The following FOXP1 variants were observed in gnomAD, a reference collection of about 807,000 sequenced individuals.
FOXP1 encodes the protein forkhead box protein P1.
FOXP1 carries 15 observed loss-of-function variants against 98.2 expected under a neutral mutation model. The ratio of observed to expected loss-of-function variants is 0.15; its 90% CI spans 0.10 to 0.24. FOXP1 has a LOEUF of 0.24. Among genes scored for constraint, FOXP1 ranks in the 10% least tolerant of loss-of-function variants. The pLI is 1.00. For synonymous variants in FOXP1, 371 were observed against 314.5 expected, an observed-to-expected ratio of 1.18 and a Z score of -1.90; for missense variants, 633 against 848.5, an observed-to-expected ratio of 0.75 and a Z score of 3.15.
chr3:71,013,652 T>TA (rs1388252391), intron 12 of FOXP1, among the ~76,000 whole-genome samples: 1 of 150,304 alleles, frequency 6.7e-6, no homozygotes, highest in Non-Finnish European at 1.5e-5. Flanking sequence ...AGAACTACTT[T>TA]AAAGTTCATA....
intron 3 of FOXP1, among the ~76,000 whole-genome samples, chr3:71,434,479 C>T (rs746885058): frequency 2.6e-5 from 4 of 152,126 alleles, no homozygotes; most frequent in Non-Finnish European, 5.9e-5. Context: ...TGAGGCCTTA[C>T]GTTTTAAAAG....
intron 11 of FOXP1, among the ~76,000 whole-genome samples, chr3:71,031,611 G>A (rs751061120): frequency 2.6e-5 from 4 of 152,090 alleles, no homozygotes; most frequent in Admixed American, 6.5e-5. Context: ...TTTCTGAGGC[G>A]GATAATGATT....
intron 2 of FOXP1, among the ~76,000 whole-genome samples, chr3:71,556,897 A>G (rs1307521863): frequency 3.3e-5 from 5 of 152,224 alleles, no homozygotes; most frequent in African/African-American, 2.4e-5. Flanking sequence ...GTAAACATCC[A>G]ACAGAAAGAG....
At chr3:71,401,913 G>A (rs1276871998) in intron 3 of FOXP1, among the ~76,000 whole-genome samples, 1 of 152,188 alleles carries the variant, frequency 6.6e-6, no homozygotes, top group African/African-American at 2.4e-5. Context: ...CAGTCCAGCT[G>A]GGAAACAGTT....
intron 4 of FOXP1, among the ~76,000 whole-genome samples, chr3:71,325,344 T>A (rs2075629624): frequency 6.6e-6 from 1 of 152,198 alleles, no homozygotes; most frequent in Admixed American, 6.5e-5. Flanking sequence ...TGAGCCACTG[T>A]GCCCAGCCAA....
chr3:70,964,710 C>A (rs969616416), intron 20 of FOXP1, among the ~76,000 whole-genome samples: 5 of 152,180 alleles, frequency 3.3e-5, no homozygotes, highest in African/African-American at 1.2e-4. Context: ...TGCTGTGAAG[C>A]AAATGCTAAG....
chr3:71,199,267 G>T (rs2063505108), intron 5 of FOXP1, among the ~76,000 whole-genome samples: 1 of 151,878 alleles, frequency 6.6e-6, no homozygotes, highest in Non-Finnish European at 1.5e-5. Context: ...ACCAGGCCCA[G>T]CTAATTTTTG....
chr3:71,197,165 C>T (rs557853581), intron 6 of FOXP1, among the ~76,000 whole-genome samples: 2 of 152,302 alleles, frequency 1.3e-5, no homozygotes, highest in East Asian at 3.9e-4. Flanking sequence ...TCCCTATCTT[C>T]TTCCTCCCCA....
At chr3:71,376,260 C>T (rs796553047) in intron 3 of FOXP1, among the ~76,000 whole-genome samples, 5 of 152,006 alleles carry the variant, frequency 3.3e-5, no homozygotes, top group African/African-American at 1.2e-4. Flanking sequence ...AAAGTAAGGC[C>T]CAGAAGCAGC....
rs565175350 is a variant in FOXP1 at position 71,544,607 on chromosome 3, A to G, written c.-298+36942T>C. Among the ~76,000 whole-genome samples, 5 of 152,350 alleles carry G rather than the reference A, an allele frequency of 3.3e-5. No individual in the cohort carries two copies. In the South Asian group the frequency reaches 1.0e-3, roughly 32 times the overall value. On this transcript the variant is annotated intron_variant, in intron 2 of 20. Transcript: ENST00000649528. ...GCTAAACAATCTTTCAAAGCCCAAGACATTTAAAGACCACTCCATTTTATA... is the reference window on the plus strand; with the variant it reads ...GCTAAACAATCTTTCAAAGCCCAAGGCATTTAAAGACCACTCCATTTTATA...
chr3:71,013,562 T>C (rs2043981491), intron 12 of FOXP1, among the ~76,000 whole-genome samples: 2 of 152,114 alleles, frequency 1.3e-5, no homozygotes, highest in Admixed American at 6.5e-5. Context: ...ATCGTGAAAA[T>C]GGCCACATTG....
At chr3:71,356,651 C>T (rs757816775) in intron 4 of FOXP1, among the ~76,000 whole-genome samples, 6 of 152,248 alleles carry the variant, frequency 3.9e-5, no homozygotes, top group African/African-American at 4.8e-5. Context: ...ATAAGGAGGC[C>T]GTGGCACAGA....
rs6795411 is a variant in FOXP1 at position 71,575,256 on chromosome 3, T to G, written c.-298+6293A>C. 8.9e-3 allele frequency among the ~76,000 whole-genome samples: 1,361 copies of G among 152,182 alleles called. 16 individuals carry two copies. The highest frequency in any genetic ancestry group is 0.03 in the African/African-American group (1,245 of 41,510). Reference sequence around the variant, plus strand: ...ACACAGGATGGGCCTCAAGGTAAAATCAAAGAAATCATCAGTAAAATCCAA... The same window carrying G: ...ACACAGGATGGGCCTCAAGGTAAAAGCAAAGAAATCATCAGTAAAATCCAA... On this transcript the variant is annotated intron_variant, in intron 2 of 20. Transcript: ENST00000649528.
chr3:71,037,419 CA>C (rs2047735423), intron 11 of FOXP1, among the ~76,000 whole-genome samples: 1 of 152,076 alleles, frequency 6.6e-6, no homozygotes, highest in Non-Finnish European at 1.5e-5. Context: ...TTTTCTAAAG[CA>C]AGACAATTAG....
In FOXP1 at chr3:71,096,659, T is replaced by C. The variant is rs560310275; in HGVS notation, c.282+15877A>G. ...ATTCAAGACAGAGCTGTATGCATTT[T>C]AGATACTGTAGATCTATATAACCAG... On this transcript the variant is annotated intron_variant, in intron 7 of 20. Transcript: ENST00000649528. Among the ~76,000 whole-genome samples, 3 of 152,352 alleles carry C rather than the reference T, an allele frequency of 2.0e-5. No homozygotes were observed. The South Asian group carries it at 6.2e-4, about 32-fold the overall frequency.
chr3:71,191,485 A>G (rs1044984201), intron 6 of FOXP1, among the ~76,000 whole-genome samples: 2 of 152,212 alleles, frequency 1.3e-5, no homozygotes, highest in African/African-American at 4.8e-5. Context: ...GCTTTCTATT[A>G]CCACATTCTC....
intron 5 of FOXP1, among the ~76,000 whole-genome samples, chr3:71,292,269 C>T (rs1389518544): frequency 6.6e-6 from 1 of 152,136 alleles, no homozygotes; most frequent in African/African-American, 2.4e-5. Flanking sequence ...CCATAGACTG[C>T]AATAATCACA....
At chr3:71,413,292 C>CACACACACACACACACACACA (rs1364185381) in intron 3 of FOXP1, among the ~76,000 whole-genome samples, 2 of 89,188 alleles carry the variant, frequency 2.2e-5, no homozygotes, top group African/African-American at 3.9e-5. Context: ...ACACACACAC[C>CACACACACACACACACACACA]CAAAACAGCC....
chr3:71,101,197 A>G (rs1428358752), intron 7 of FOXP1, among the ~76,000 whole-genome samples: 1 of 152,202 alleles, frequency 6.6e-6, no homozygotes, highest in Non-Finnish European at 1.5e-5. Flanking sequence ...GTGATGAGTC[A>G]AATGACTGTG....
Sources: gnomAD v4.1 joint callset for allele counts (sites outside exome capture counted in the v4.1 genomes callset) on GRCh38, gnomAD v4.1.1 for gene constraint, MANE v1.5 for transcripts, NCBI Gene and HGNC (gene_info 2026-07-23, HGNC 2026-07-21) for gene names.